The following KHDC4 variants were observed in gnomAD, a reference collection of about 807,000 sequenced individuals.
KHDC4 encodes the protein KH homology domain-containing protein 4.
KHDC4 carries 19 observed loss-of-function variants against 74.5 expected under a neutral mutation model. That is an observed-to-expected ratio of 0.26 (90% confidence interval 0.18 to 0.37). The LOEUF (loss-of-function observed/expected upper bound fraction) is 0.37, where lower values mean the gene tolerates loss of function less well. Ranked by LOEUF, KHDC4 falls within the 10% of genes least tolerant of loss-of-function variation. The pLI, the probability that KHDC4 is intolerant of heterozygous loss-of-function variation, is 1.00. For missense variants in KHDC4, 632 were observed against 754.1 expected (o/e 0.84, Z 1.90); for synonymous variants, 253 against 266.1 (o/e 0.95, Z 0.48).
At chr1:155,919,916 C>A (rs756568570) in intron 10 of KHDC4, 2 of 477,544 alleles carry the variant, frequency 4.2e-6, no homozygotes, top group Non-Finnish European at 8.4e-6. Flanking sequence ...ACACACTGTG[C>A]AACCCCCTTC....
intron 7 of KHDC4, among the ~76,000 whole-genome samples, chr1:155,924,271 G>A (rs1334953892): frequency 2.0e-5 from 3 of 152,140 alleles, no homozygotes; most frequent in Non-Finnish European, 2.9e-5. Context: ...GTGCAGTGGC[G>A]CGATCTCAGC....
chr1:155,930,728 A>C (rs547533827), intron 2 of KHDC4, among the ~76,000 whole-genome samples: 20 of 152,304 alleles, frequency 1.3e-4, no homozygotes, highest in Middle Eastern at 3.4e-3. Flanking sequence ...TCCTCACTCT[A>C]TTACAGCAGA....
At chr1:155,922,685 T>G (rs1176416358) in intron 8 of KHDC4, among the ~76,000 whole-genome samples, 2 of 152,202 alleles carry the variant, frequency 1.3e-5, no homozygotes, top group East Asian at 3.8e-4. Context: ...GGGTTTCGTA[T>G]TTTCCTCATA....
intron 4 of KHDC4, among the ~76,000 whole-genome samples, 162 bp from the exon 5 acceptor site, chr1:155,927,318 T>C (rs1285520149): frequency 2.0e-5 from 3 of 152,212 alleles, no homozygotes; most frequent in Non-Finnish European, 4.4e-5. Context: ...CAGAACATGC[T>C]TTAACAGCTG....
chr1:155,929,810 T>G lies in KHDC4; in HGVS notation c.286A>C (p.Asn96His). The G allele has an allele frequency of 6.2e-7, 1 of 1,610,368 alleles. No homozygotes were observed. The highest frequency in any genetic ancestry group is 8.5e-7 in the Non-Finnish European group (1 of 1,178,476). Residue 96 changes from asparagine (N) to histidine (H), a missense_variant, in exon 3 of 14, where the codon AAT (asparagine) becomes CAT (histidine). Asn to His is a moderately conservative substitution (Grantham distance 68). Coordinates refer to ENST00000368321, the MANE Select transcript of KHDC4 (RefSeq NM_014949.4). The stretch of plus-strand genomic sequence containing the variant: ...ACCACCAGGTCATCCTTGCTTTTAT[T>G]GCTAGTTAGGCCTTTGCCAGGAGCC... ...LQAPGKGLTS[N>H]KSKDDLVVAE...
chr1:155,930,015 C>CA (rs1674108265), intron 2 of KHDC4, among the ~76,000 whole-genome samples, 175 bp from the exon 3 acceptor site: 1 of 152,122 alleles, frequency 6.6e-6, no homozygotes, highest in African/African-American at 2.4e-5. Context: ...TGGGTTCAAG[C>CA]AATTCTCCTG....
intron 11 of KHDC4, 137 bp downstream of exon 11, chr1:155,917,362 A>G: frequency 3.9e-6 from 3 of 771,634 alleles, no homozygotes; most frequent in Non-Finnish European, 6.6e-6. Flanking sequence ...GTTGAATAGG[A>G]TAAAAAACCT....
intron 2 of KHDC4, among the ~76,000 whole-genome samples, chr1:155,933,176 G>A (rs182249162): frequency 6.6e-6 from 1 of 152,174 alleles, no homozygotes; most frequent in African/African-American, 2.4e-5. Flanking sequence ...TCGTAAATAT[G>A]TATTTGTAAC....
chr1:155,933,141 T>A (rs1674179037), intron 2 of KHDC4, among the ~76,000 whole-genome samples: 1 of 152,196 alleles, frequency 6.6e-6, no homozygotes, highest in Admixed American at 6.5e-5. Flanking sequence ...GGTCCATAAA[T>A]GTAATCAGCC....
intron 7 of KHDC4, among the ~76,000 whole-genome samples, chr1:155,924,753 T>C (rs1673946712): frequency 2.0e-5 from 3 of 151,726 alleles, no homozygotes; most frequent in Non-Finnish European, 4.4e-5. Context: ...TTTATACTTT[T>C]AGGAGAGTCA....
rs1673911823 is a variant in KHDC4 at position 155,923,431 on chromosome 1, C to T, written c.954+196G>A. Among the ~76,000 whole-genome samples the T allele has an allele frequency of 2.0e-5, 3 of 152,134 alleles. No homozygotes were observed. The South Asian group carries it at 6.2e-4, about 31-fold the overall frequency. On this transcript the variant is annotated intron_variant, in intron 8 of 13. Transcript: ENST00000368321. ...TCTCTCTCAAAGACTCCAGAAGGAA[C>T]CAATTCTGCCAGCACCTTGATTTCA...
At chr1:155,924,113 C>T (rs1217849443) in intron 7 of KHDC4, among the ~76,000 whole-genome samples, 1 of 152,016 alleles carries the variant, frequency 6.6e-6, no homozygotes. Flanking sequence ...GTCAGGAGAT[C>T]GAGACCATCC....
In KHDC4 at chr1:155,926,490, C is replaced by T. The variant is rs143614740; in HGVS notation, c.681+186G>A. 7.0e-3 allele frequency: 4,223 copies of T among 606,046 alleles called. 84 individuals carry two copies. The highest frequency in any genetic ancestry group is 0.055 in the East Asian group (1,822 of 33,258). 37.5% of individuals were successfully genotyped at this position (606,046 alleles called of 1,614,324 possible). On this transcript the variant is annotated intron_variant, in intron 6 of 13. Coordinates refer to ENST00000368321, the MANE Select transcript of KHDC4 (RefSeq NM_014949.4). ...GGTTACAGGTGCCTGCCACCATGCC[C>T]GGGTAATGTTCGTGACGGGGTTTCA... is the stretch of plus-strand genomic sequence containing the variant.
At chr1:155,926,325 C>CTGTTTT (rs1673995870) in intron 6 of KHDC4, 1 of 162,570 alleles carries the variant, frequency 6.2e-6, no homozygotes, top group African/African-American at 4.0e-5. Context: ...TTACTTGGCA[C>CTGTTTT]TTTTTTTTTT....
chr1:155,928,774 A>T (rs1008836330), intron 4 of KHDC4, among the ~76,000 whole-genome samples: 4 of 151,570 alleles, frequency 2.6e-5, no homozygotes, highest in Non-Finnish European at 5.9e-5. Flanking sequence ...AACACGGTGA[A>T]GCTCTGTCTC....
intron 2 of KHDC4, 104 bp from the exon 3 acceptor site, chr1:155,929,944 A>G: frequency 1.4e-6 from 1 of 714,664 alleles, no homozygotes; most frequent in Non-Finnish European, 1.9e-6. Context: ...TTTGAGATGG[A>G]GTCTGTCGCC....
chr1:155,930,814 T>C (rs953558661), intron 2 of KHDC4, among the ~76,000 whole-genome samples: 1 of 152,108 alleles, frequency 6.6e-6, no homozygotes. Context: ...ATGGAGTTTG[T>C]GATCAGCCTG....
chr1:155,925,202 G>T (rs1311601849), intron 7 of KHDC4, among the ~76,000 whole-genome samples: 1 of 151,556 alleles, frequency 6.6e-6, no homozygotes, highest in East Asian at 2.0e-4. Context: ...AATTTTTTTT[G>T]TTTTATTTTT....
intron 4 of KHDC4, among the ~76,000 whole-genome samples, chr1:155,928,497 A>G (rs1404021031): frequency 6.6e-6 from 1 of 151,834 alleles, no homozygotes; most frequent in African/African-American, 2.4e-5. Context: ...ATCAACTGAC[A>G]GTGAAGAGAA....
Sources: allele counts gnomAD v4.1 joint callset (sites outside exome capture counted in the v4.1 genomes callset), GRCh38; gene constraint gnomAD v4.1.1; transcripts MANE v1.5; gene names NCBI Gene and HGNC (gene_info 2026-07-23, HGNC 2026-07-21).